The following ST6GALNAC3 variants were observed in gnomAD, a reference collection of about 807,000 sequenced individuals.
ST6GALNAC3 encodes the protein alpha-N-acetylgalactosaminide alpha-2,6-sialyltransferase 3.
A neutral mutation model predicts 32.7 loss-of-function variants in ST6GALNAC3; 25 were observed. The ratio of observed to expected loss-of-function variants is 0.76; its 90% CI spans 0.56 to 1.07. The LOEUF is 1.07. Among genes scored for constraint, ST6GALNAC3 ranks in the 50% least tolerant of loss-of-function variants. The pLI, the probability that ST6GALNAC3 is intolerant of heterozygous loss-of-function variation, is 0.00. For missense variants in ST6GALNAC3, 355 were observed against 382.4 expected (o/e 0.93, Z 0.60); for synonymous variants, 129 against 133.1 (o/e 0.97, Z 0.21).
At chr1:76,627,378 C>A in intron 3 of ST6GALNAC3, 74 bp from the exon 4 acceptor site, 1 of 964,058 alleles carries the variant, frequency 1.0e-6, no homozygotes, top group Non-Finnish European at 1.6e-6. Flanking sequence ...GCTCGTTTCT[C>A]ACACACCTTA....
chr1:76,274,001 C>T (rs1658999219), intron 1 of ST6GALNAC3, among the ~76,000 whole-genome samples: 1 of 152,022 alleles, frequency 6.6e-6, no homozygotes, highest in Admixed American at 6.6e-5. Context: ...TTGGAGTATA[C>T]ATAAAACTAA....
At chr1:76,415,171 C>CTTTTTTTTTTTT (rs71072000) in intron 3 of ST6GALNAC3, among the ~76,000 whole-genome samples, 1 of 70,462 alleles carries the variant, frequency 1.4e-5, no homozygotes, top group Non-Finnish European at 2.6e-5. Context: ...GGATTCATGT[C>CTTTTTTTTTTTT]TTTTTTTTTT....
chr1:76,174,434 T>G (rs1258962870), intron 1 of ST6GALNAC3, among the ~76,000 whole-genome samples: 1 of 151,756 alleles, frequency 6.6e-6, no homozygotes, highest in Non-Finnish European at 1.5e-5. Context: ...TCTCATTGTT[T>G]TTTTTTTTTA....
At chr1:76,564,103 G>A (rs748849228) in intron 3 of ST6GALNAC3, among the ~76,000 whole-genome samples, 32 of 152,254 alleles carry the variant, frequency 2.1e-4, no homozygotes, top group Admixed American at 3.9e-4. Context: ...TAGTTAGACC[G>A]TAGACTTAAT....
intron 3 of ST6GALNAC3, among the ~76,000 whole-genome samples, chr1:76,442,111 T>TG (rs1656656075): frequency 6.6e-6 from 1 of 152,218 alleles, no homozygotes; most frequent in Admixed American, 6.5e-5. Context: ...TTGTGTGTCC[T>TG]GAGTCAGGTA....
chr1:76,571,309 G>A (rs577988944), intron 3 of ST6GALNAC3, among the ~76,000 whole-genome samples: 7 of 151,984 alleles, frequency 4.6e-5, no homozygotes, highest in East Asian at 1.9e-4. Context: ...TTCAGTGGTC[G>A]CTCACTGTTT....
rs959949246 is a variant in ST6GALNAC3, at chr1:76,238,681, G to A, written c.19-75124G>A. Among the ~76,000 whole-genome samples the A allele has an allele frequency of 9.2e-5, 14 of 152,196 alleles. No individual in the cohort carries two copies. The South Asian group carries it at 1.0e-3, about 11-fold the overall frequency. The stretch of plus-strand genomic sequence containing the variant: ...AGCTTTGGAGAGGAGGGGAGAGGGG[G>A]CTTTTATTAAAGCGAGGAAATTGGA... On this transcript the variant is annotated intron_variant, in intron 1 of 4. Coordinates refer to ENST00000328299, the MANE Select transcript of ST6GALNAC3 (RefSeq NM_152996.4).
In ST6GALNAC3 at chr1:76,346,537, G is replaced by A. The variant is rs1471530079; in HGVS notation, c.213+32538G>A. 3.9e-5 allele frequency among the ~76,000 whole-genome samples: 6 copies of A among 152,226 alleles called. 1 individual carries two copies. In the South Asian group the frequency reaches 1.0e-3, roughly 26 times the overall value. On this transcript the variant is annotated intron_variant, in intron 2 of 4. Coordinates refer to ENST00000328299, the MANE Select transcript of ST6GALNAC3 (RefSeq NM_152996.4). ...CGTAAAGCAAAACATAGACTTATAA[G>A]GCAAGGTTGGTACAAATGCACATGG...
chr1:76,319,857 C>T (rs1646934514), intron 2 of ST6GALNAC3, among the ~76,000 whole-genome samples: 1 of 152,204 alleles, frequency 6.6e-6, no homozygotes, highest in Non-Finnish European at 1.5e-5. Flanking sequence ...AGCCCCACCC[C>T]TACCAGCATG....
In ST6GALNAC3 at chr1:76,263,108, A is replaced by G. The variant is rs563168428; in HGVS notation, c.19-50697A>G. ...TGAATATTTTCAGGTGACTCAGTTC[A>G]GTCTCTACCTCATGAAAATTAAATT... On this transcript the variant is annotated intron_variant, in intron 1 of 4. Coordinates refer to ENST00000328299, the MANE Select transcript of ST6GALNAC3 (RefSeq NM_152996.4). 2.0e-4 allele frequency among the ~76,000 whole-genome samples: 31 copies of G among 152,302 alleles called. 1 individual carries two copies. Among genetic ancestry groups the G allele is most frequent in the African/African-American group, 7.0e-4 (29 of 41,564 alleles).
chr1:76,387,526 T>C (rs2101136727), intron 2 of ST6GALNAC3, among the ~76,000 whole-genome samples: 1 of 152,322 alleles, frequency 6.6e-6, no homozygotes, highest in South Asian at 2.1e-4. Context: ...AATTTTTTCG[T>C]GTTCTAGTTA....
intron 3 of ST6GALNAC3, among the ~76,000 whole-genome samples, chr1:76,485,018 T>G (rs1660007945): frequency 6.6e-6 from 1 of 152,182 alleles, no homozygotes; most frequent in Non-Finnish European, 1.5e-5. Context: ...ATATGCTGGA[T>G]TACGTTTATT....
chr1:76,518,046 T>C (rs2101779407), intron 3 of ST6GALNAC3, among the ~76,000 whole-genome samples: 1 of 152,158 alleles, frequency 6.6e-6, no homozygotes, highest in East Asian at 1.9e-4. Flanking sequence ...TTGAATAATC[T>C]ATATTGCTGT....
intron 1 of ST6GALNAC3, among the ~76,000 whole-genome samples, chr1:76,082,218 G>C (rs1250895409): frequency 1.3e-5 from 2 of 152,182 alleles, no homozygotes; most frequent in Non-Finnish European, 2.9e-5. Context: ...TGGCTTTAGG[G>C]AACAGTGGAG....
intron 1 of ST6GALNAC3, among the ~76,000 whole-genome samples, chr1:76,245,646 T>C (rs183439517): frequency 1.3e-5 from 2 of 152,322 alleles, no homozygotes; most frequent in African/African-American, 4.8e-5. Flanking sequence ...TTCTCATTGG[T>C]TTCAAAGAAC....
intron 3 of ST6GALNAC3, among the ~76,000 whole-genome samples, chr1:76,489,917 T>C (rs1422230758): frequency 6.6e-6 from 1 of 152,160 alleles, no homozygotes; most frequent in Non-Finnish European, 1.5e-5. Context: ...CGACAGGCCA[T>C]TTCTGGTGAT....
intron 2 of ST6GALNAC3, among the ~76,000 whole-genome samples, chr1:76,352,077 C>T (rs1311368294): frequency 6.6e-6 from 1 of 152,028 alleles, no homozygotes; most frequent in Non-Finnish European, 1.5e-5. Flanking sequence ...ATTGTCTTAA[C>T]CAGGCTCCTT....
At chr1:76,102,199 A>G (rs1298562666) in intron 1 of ST6GALNAC3, among the ~76,000 whole-genome samples, 1 of 151,438 alleles carries the variant, frequency 6.6e-6, no homozygotes, top group African/African-American at 2.4e-5. Flanking sequence ...ATAAAACCAC[A>G]CCAGCTTTCT....
intron 3 of ST6GALNAC3, among the ~76,000 whole-genome samples, chr1:76,502,168 T>C (rs1486453750): frequency 2.6e-5 from 4 of 152,224 alleles, no homozygotes; most frequent in African/African-American, 9.6e-5. Flanking sequence ...GTTCCAGGGA[T>C]TGCCTCTACC....
Sources: allele counts gnomAD v4.1 joint callset (sites outside exome capture counted in the v4.1 genomes callset), GRCh38; gene constraint gnomAD v4.1.1; transcripts MANE v1.5; gene names NCBI Gene and HGNC (gene_info 2026-07-23, HGNC 2026-07-21).